Variants in OR5H14 observed in about 807,000 individuals in gnomAD.
The protein encoded by OR5H14 is olfactory receptor 5H14.
For missense variants in OR5H14, 392 were observed against 363.9 expected (o/e 1.08, Z -0.63); for synonymous variants, 155 against 130.6 (o/e 1.19, Z -1.28).
At position 98,150,184 on chromosome 3, in the gene OR5H14, G is replaced by T; in HGVS notation, c.799G>T (p.Ala267Ser). 1 of 1,612,876 alleles carries T rather than the reference G, an allele frequency of 6.2e-7. No individual in the cohort carries two copies. Among genetic ancestry groups the T allele is most frequent in the Non-Finnish European group, 8.5e-7 (1 of 1,179,578 alleles). Residue 267 changes from alanine (A) to serine (S), a missense_variant, in exon 2 of 2, where the codon GCT (alanine) becomes TCT (serine). Ala to Ser is a moderately conservative substitution (Grantham distance 99). Transcript: ENST00000641380. ...FMYMGSASPQ[A>S]DDQDMMESLF... ...GTATATGGGCTCTGCATCCCCACAG[G>T]CTGATGACCAAGATATGATGGAGTC... is the stretch of plus-strand genomic sequence containing the variant.
Position 98,149,477 on chromosome 3 carries a change from T to C in OR5H14, c.92T>C (p.Phe31Ser), listed in dbSNP as rs769897676. 6.2e-7 allele frequency: 1 copy of C among 1,613,538 alleles called. No homozygotes were observed. Among genetic ancestry groups the C allele is most frequent in the Non-Finnish European group, 8.5e-7 (1 of 1,179,574 alleles). ...PQWKIPLFLA[F>S]LVIYLITIMG... Reference sequence around the variant, plus strand: ...TGGAAAATACCCCTGTTCCTGGCATTCTTGGTAATATATCTCATCACCATC... The same window carrying C: ...TGGAAAATACCCCTGTTCCTGGCATCCTTGGTAATATATCTCATCACCATC... Residue 31 changes from phenylalanine (F) to serine (S), a missense_variant, in exon 2 of 2, where the codon TTC becomes TCC. Coordinates refer to ENST00000641380, the MANE Select transcript of OR5H14 (RefSeq NM_001005514.2).
At position 98,153,184 on chromosome 3, in the gene OR5H14, A is replaced by G. The variant is rs888679477; in HGVS notation, c.*2866A>G. 3.3e-5 allele frequency: 5 copies of G among 152,212 alleles called. No individual in the cohort carries two copies. The highest frequency in any genetic ancestry group is 1.2e-4 in the African/African-American group (5 of 41,446). The allele number at this position is 152,212 out of a possible 1,614,324, so 9.4% of individuals were successfully genotyped here. A position where few individuals can be genotyped will look rare whatever the true frequency, so the allele number is the denominator to read the frequency against. On this transcript the variant is annotated 3_prime_UTR_variant, in exon 2 of 2. Coordinates refer to ENST00000641380, the MANE Select transcript of OR5H14 (RefSeq NM_001005514.2). ...TCTTGAGAAAATACAGCATACCAGC[A>G]AGATTACAATGATGACCCCTTGAGG...
At chr3:98,149,194 T>C in intron 1 of OR5H14, 174 bp from the exon 2 acceptor site, 1 of 744,572 alleles carries the variant, frequency 1.3e-6, no homozygotes, top group East Asian at 2.7e-5. Context: ...ATTTTCAAAC[T>C]AAAATATGAC....
At position 98,153,102 on chromosome 3, in the gene OR5H14, G is replaced by A. The variant is rs768665941; in HGVS notation, c.*2784G>A. 6.6e-6 allele frequency: 1 copy of A among 152,054 alleles called. No homozygotes were observed. Among genetic ancestry groups the A allele is most frequent in the Non-Finnish European group, 1.5e-5 (1 of 68,016 alleles). 9.4% of individuals were successfully genotyped at this position (152,054 alleles called of 1,614,324 possible). A position where few individuals can be genotyped will look rare whatever the true frequency, so the allele number is the denominator to read the frequency against. On this transcript the variant is annotated 3_prime_UTR_variant, in exon 2 of 2. Coordinates refer to ENST00000641380, the MANE Select transcript of OR5H14 (RefSeq NM_001005514.2). The stretch of plus-strand genomic sequence containing the variant: ...TTATTGGACACTTTGTTTTTGCCAT[G>A]TTAATCATATAGAGAAAATCTGGCA...
rs1708496351 is a variant in OR5H14, at chr3:98,150,774, T to G, written c.*456T>G. On this transcript the variant is annotated 3_prime_UTR_variant, in exon 2 of 2. Transcript: ENST00000641380. ...AATTTTGCTAGCTTTCAAGAGGTCTTTCATTCCACTTAATTGTAAAAGAGT... is the reference window on the plus strand; with the variant it reads ...AATTTTGCTAGCTTTCAAGAGGTCTGTCATTCCACTTAATTGTAAAAGAGT... 1 of 152,736 alleles carries G rather than the reference T, an allele frequency of 6.5e-6. No homozygotes were observed. Among genetic ancestry groups the G allele is most frequent in the East Asian group, 1.9e-4 (1 of 5,186 alleles). 9.5% of individuals were successfully genotyped at this position (152,736 alleles called of 1,614,324 possible).
At position 98,150,023 on chromosome 3, in the gene OR5H14, C is replaced by CA; in HGVS notation, c.638_639insA (p.Val214CysfsTer55). The CA allele has an allele frequency of 6.2e-7, 1 of 1,612,968 alleles. No individual in the cohort carries two copies. The highest frequency in any genetic ancestry group is 8.5e-7 in the Non-Finnish European group (1 of 1,179,518). On this transcript the variant is annotated frameshift_variant, in exon 2 of 2. Transcript: ENST00000641380. LOFTEE classifies it low-confidence loss of function (END_TRUNC). ...TCAATTCAAGTTTTTACCATAGGGA[C>CA]TGTTCTTATATCTTACATATTTGTC... is the stretch of plus-strand genomic sequence containing the variant.
In OR5H14 at chr3:98,150,159, G is replaced by A. The variant is rs1211115568; in HGVS notation, c.774G>A (p.Met258Ile). The A allele has an allele frequency of 2.5e-6, 4 of 1,612,592 alleles. No individual in the cohort carries two copies. Among genetic ancestry groups the A allele is most frequent in the East Asian group, 2.2e-5 (1 of 44,756 alleles). Residue 258 changes from methionine (M) to isoleucine (I), a missense_variant, in exon 2 of 2, where the codon ATG (methionine) becomes ATA (isoleucine). Met to Ile is a conservative substitution (Grantham distance 10). Coordinates refer to ENST00000641380, the MANE Select transcript of OR5H14 (RefSeq NM_001005514.2). ...TATACTATGGGCCCCTCGCCTTCAT[G>A]TATATGGGCTCTGCATCCCCACAGG... ...VSLYYGPLAF[M>I]YMGSASPQAD...
At chr3:98,148,913 C>A (rs536352859) in intron 1 of OR5H14, among the ~76,000 whole-genome samples, 1 of 151,936 alleles carries the variant, frequency 6.6e-6, no homozygotes, top group Non-Finnish European at 1.5e-5. Flanking sequence ...TTTCCCCATC[C>A]CGCAGCATAT....
In OR5H14 at chr3:98,150,440, A is replaced by G; in HGVS notation, c.*122A>G. 1 of 571,146 alleles carries G rather than the reference A, an allele frequency of 1.8e-6. No individual in the cohort carries two copies. Among genetic ancestry groups the G allele is most frequent in the Non-Finnish European group, 3.0e-6 (1 of 334,416 alleles). The allele number at this position is 571,146 out of a possible 1,614,324, so 35.4% of individuals were successfully genotyped here. The stretch of plus-strand genomic sequence containing the variant: ...TTATAACTGTCCTAGCGCTTTAATG[A>G]CCTATGATATAAGCACCTATTTAAC... On this transcript the variant is annotated 3_prime_UTR_variant, in exon 2 of 2. Coordinates refer to ENST00000641380, the MANE Select transcript of OR5H14 (RefSeq NM_001005514.2).
Position 98,155,515 on chromosome 3 carries a change from C to A in OR5H14, c.*5197C>A, listed in dbSNP as rs77548397. 25,122 of 146,400 alleles carry A rather than the reference C, an allele frequency of 0.17. No homozygotes were observed. Among genetic ancestry groups the A allele is most frequent in the East Asian group, 0.36 (1,774 of 4,868 alleles). 9.1% of individuals were successfully genotyped at this position (146,400 alleles called of 1,614,324 possible). A position where few individuals can be genotyped will look rare whatever the true frequency, so the allele number is the denominator to read the frequency against. ...TGCCATTATGAAGTTATAGTGACAGCACCAACTAGGTGGCAAGGCATTGCA... is the reference window on the plus strand; with the variant it reads ...TGCCATTATGAAGTTATAGTGACAGAACCAACTAGGTGGCAAGGCATTGCA... On this transcript the variant is annotated 3_prime_UTR_variant, in exon 2 of 2. Transcript: ENST00000641380.
rs961488646 is a variant in OR5H14, at chr3:98,151,326, G to A, written c.*1008G>A. 3 of 151,982 alleles carry A rather than the reference G, an allele frequency of 2.0e-5. No individual in the cohort carries two copies. Among genetic ancestry groups the A allele is most frequent in the Non-Finnish European group, 4.4e-5 (3 of 67,980 alleles). 9.4% of individuals were successfully genotyped at this position (151,982 alleles called of 1,614,324 possible). A position where few individuals can be genotyped will look rare whatever the true frequency, so the allele number is the denominator to read the frequency against. ...AAAACATGAAAATGAGGAAGAGTTC[G>A]GATATTTTCTACTTCAAAAAGTCCT... On this transcript the variant is annotated 3_prime_UTR_variant, in exon 2 of 2. Coordinates refer to ENST00000641380, the MANE Select transcript of OR5H14 (RefSeq NM_001005514.2).
Position 98,149,795 on chromosome 3 carries a change from C to T in OR5H14, c.410C>T (p.Thr137Ile), listed in dbSNP as rs370196000. Reference protein sequence around the residue: ...CKPLLYPAIMTNGLCIRLLIL... With the variant: ...CKPLLYPAIMINGLCIRLLIL... ...CCCTTACTTTATCCAGCCATTATGACCAATGGACTGTGCATCCGGCTATTA... is the reference window on the plus strand; with the variant it reads ...CCCTTACTTTATCCAGCCATTATGATCAATGGACTGTGCATCCGGCTATTA... The change falls in exon 2 of 2, where the codon ACC becomes ATC. Residue 137 changes from threonine (T) to isoleucine (I), a missense_variant. Thr to Ile is a moderately conservative substitution (Grantham distance 89). Transcript: ENST00000641380. The T allele has an allele frequency of 2.4e-5, 39 of 1,612,634 alleles. No individual in the cohort carries two copies. The highest frequency in any genetic ancestry group is 3.3e-5 in the Non-Finnish European group (39 of 1,179,668).
In OR5H14 at chr3:98,150,974, A is replaced by T. The variant is rs1708499658; in HGVS notation, c.*656A>T. The stretch of plus-strand genomic sequence containing the variant: ...TATGAGTAAGAACCATGCAGCCTCT[A>T]ACTTCCTAAGATGGCTTCTAAGGCA... On this transcript the variant is annotated 3_prime_UTR_variant, in exon 2 of 2. Coordinates refer to ENST00000641380, the MANE Select transcript of OR5H14 (RefSeq NM_001005514.2). The T allele has an allele frequency of 1.3e-5, 2 of 152,170 alleles. No individual in the cohort carries two copies. The highest frequency in any genetic ancestry group is 1.3e-4 in the Admixed American group (2 of 15,262). The allele number at this position is 152,170 out of a possible 1,614,324, so 9.4% of individuals were successfully genotyped here. A position where few individuals can be genotyped will look rare whatever the true frequency, so the allele number is the denominator to read the frequency against.
At position 98,152,272 on chromosome 3, in the gene OR5H14, T is replaced by G. The variant is rs577062022; in HGVS notation, c.*1954T>G. On this transcript the variant is annotated 3_prime_UTR_variant, in exon 2 of 2. Coordinates refer to ENST00000641380, the MANE Select transcript of OR5H14 (RefSeq NM_001005514.2). ...CTTATGAATCCGGAGCCAGAAATACTATTTGACTCAGCAATCCCATTACTG... is the reference window on the plus strand; with the variant it reads ...CTTATGAATCCGGAGCCAGAAATACGATTTGACTCAGCAATCCCATTACTG... The G allele has an allele frequency of 6.6e-6, 1 of 152,192 alleles. No individual in the cohort carries two copies. Among genetic ancestry groups the G allele is most frequent in the South Asian group, 2.1e-4 (1 of 4,820 alleles). 9.4% of individuals were successfully genotyped at this position (152,192 alleles called of 1,614,324 possible).
Position 98,149,864 on chromosome 3 carries a change from A to G in OR5H14, c.479A>G (p.Glu160Gly), listed in dbSNP as rs2107317562. 1 of 1,613,010 alleles carries G rather than the reference A, an allele frequency of 6.2e-7. No homozygotes were observed. Among genetic ancestry groups the G allele is most frequent in the Non-Finnish European group, 8.5e-7 (1 of 1,179,754 alleles). The change falls in exon 2 of 2, where the codon GAA (glutamate) becomes GGA (glycine). Residue 160 changes from glutamate to glycine, a missense_variant. Coordinates refer to ENST00000641380, the MANE Select transcript of OR5H14 (RefSeq NM_001005514.2). ...GGTCTTCTTCATGCTTTAATCCATG[A>G]AGGATTTTTATTCAGACTAACCTTC... ...VGGLLHALIH[E>G]GFLFRLTFCN...
In OR5H14 at chr3:98,154,552, T is replaced by TGAGG. The variant is rs368268679; in HGVS notation, c.*4234_*4235insGAGG. On this transcript the variant is annotated 3_prime_UTR_variant, in exon 2 of 2. Coordinates refer to ENST00000641380, the MANE Select transcript of OR5H14 (RefSeq NM_001005514.2). ...GGCCTGGTTCATCTGAGGACGTGACTTTATAAGGCATTTATCTAGTTTCCT... is the reference window on the plus strand; with the variant it reads ...GGCCTGGTTCATCTGAGGACGTGACTGAGGTTATAAGGCATTTATCTAGTTTCCT... 22,601 of 141,656 alleles carry TGAGG rather than the reference T, an allele frequency of 0.16. No individual in the cohort carries two copies. Among genetic ancestry groups the TGAGG allele is most frequent in the East Asian group, 0.35 (1,635 of 4,612 alleles). 8.8% of individuals were successfully genotyped at this position (141,656 alleles called of 1,614,324 possible). A position where few individuals can be genotyped will look rare whatever the true frequency, so the allele number is the denominator to read the frequency against.
In OR5H14 at chr3:98,154,185, A is replaced by G. The variant is rs537122406; in HGVS notation, c.*3867A>G. ...ATTCCTGTTTTGTTTATAAGATTAC[A>G]TGTCAGACCAGTGGATTTTTGAGGA... On this transcript the variant is annotated 3_prime_UTR_variant, in exon 2 of 2. Transcript: ENST00000641380. 1.3e-4 allele frequency: 20 copies of G among 152,292 alleles called. No homozygotes were observed. The highest frequency in any genetic ancestry group is 6.5e-4 in the Admixed American group (10 of 15,282). The allele number at this position is 152,292 out of a possible 1,614,324, so 9.4% of individuals were successfully genotyped here. A position where few individuals can be genotyped will look rare whatever the true frequency, so the allele number is the denominator to read the frequency against.
In OR5H14 at chr3:98,149,441, A is replaced by G. The variant is rs766070488; in HGVS notation, c.56A>G (p.Tyr19Cys). 3.1e-6 allele frequency: 5 copies of G among 1,613,248 alleles called. No homozygotes were observed. The highest frequency in any genetic ancestry group is 1.7e-5 in the Admixed American group (1 of 59,942). ...GAGTTTGTTCTCACAGGATTTTTAT[A>G]TCAACCACAGTGGAAAATACCCCTG... ...LTEFVLTGFL[Y>C]QPQWKIPLFL... Residue 19 changes from tyrosine to cysteine, a missense_variant, in exon 2 of 2, where the codon TAT (tyrosine) becomes TGT (cysteine). By Grantham distance (194) the Tyr-to-Cys change is radical (BLOSUM62 -2). Transcript: ENST00000641380.
rs72931910 is a variant in OR5H14 at position 98,155,599 on chromosome 3, A to T, written c.*5281A>T. 26,626 of 146,780 alleles carry T rather than the reference A, an allele frequency of 0.18. 70 individuals carry two copies. The highest frequency in any genetic ancestry group is 0.37 in the East Asian group (1,780 of 4,876). 9.1% of individuals were successfully genotyped at this position (146,780 alleles called of 1,614,324 possible). A position where few individuals can be genotyped will look rare whatever the true frequency, so the allele number is the denominator to read the frequency against. On this transcript the variant is annotated 3_prime_UTR_variant, in exon 2 of 2. Transcript: ENST00000641380. The stretch of plus-strand genomic sequence containing the variant: ...GATGTTTGCCTGTTAACATTTCTCA[A>T]CAGATTTCAGCTCACCTGGAAGTTA...
Sources: gnomAD v4.1 joint callset for allele counts (sites outside exome capture counted in the v4.1 genomes callset) on GRCh38, gnomAD v4.1.1 for gene constraint, MANE v1.5 for transcripts, NCBI Gene and HGNC (gene_info 2026-07-23, HGNC 2026-07-21) for gene names.